Variants in GNAQ observed in about 807,000 individuals in gnomAD.
GNAQ encodes G protein subunit alpha q.
A neutral mutation model predicts 43.9 loss-of-function variants in GNAQ; 8 were observed. That is an observed-to-expected ratio of 0.18 (90% confidence interval 0.11 to 0.33). The LOEUF (loss-of-function observed/expected upper bound fraction) is 0.33. GNAQ is among the 10% of genes least tolerant of loss of function. The pLI is 1.00. For missense variants in GNAQ, 158 were observed against 450.8 expected (o/e 0.35, Z 5.88); for synonymous variants, 155 against 170.7 (o/e 0.91, Z 0.71).
intron 1 of GNAQ, among the ~76,000 whole-genome samples, chr9:77,994,564 A>G (rs1823545854): frequency 6.6e-6 from 1 of 152,114 alleles, no homozygotes; most frequent in South Asian, 2.1e-4. Context: ...TATTAATTTA[A>G]CTTTCATCAA....
At chr9:77,727,416 TTTC>T (rs1310622065) in intron 6 of GNAQ, among the ~76,000 whole-genome samples, 1 of 152,200 alleles carries the variant, frequency 6.6e-6, no homozygotes, top group East Asian at 1.9e-4. Flanking sequence ...TGTTCAAGTG[TTTC>T]TCAGAATGGG....
chr9:77,926,779 T>C (rs1218152486), intron 1 of GNAQ, among the ~76,000 whole-genome samples: 2 of 152,230 alleles, frequency 1.3e-5, no homozygotes, highest in Non-Finnish European at 1.5e-5. Context: ...TTCAGGCAAG[T>C]ACTCTGCCTT....
At chr9:77,741,401 G>C (rs1460929022) in intron 5 of GNAQ, among the ~76,000 whole-genome samples, 1 of 152,082 alleles carries the variant, frequency 6.6e-6, no homozygotes, top group South Asian at 2.1e-4. Context: ...GCAAAAGTAA[G>C]GTCTCCCCCG....
intron 2 of GNAQ, among the ~76,000 whole-genome samples, chr9:77,854,452 C>T (rs192230695): frequency 4.5e-4 from 69 of 152,300 alleles, no homozygotes; most frequent in Non-Finnish European, 7.9e-4. Context: ...AGACTAAACA[C>T]AGGTTAAGTG....
At chr9:77,739,335 A>G (rs1324729440) in intron 5 of GNAQ, among the ~76,000 whole-genome samples, 1 of 152,138 alleles carries the variant, frequency 6.6e-6, no homozygotes, top group African/African-American at 2.4e-5. Flanking sequence ...TCTTTTCGAG[A>G]ATTGTCTGCT....
chr9:77,808,891 A>G (rs1167954968), intron 3 of GNAQ, among the ~76,000 whole-genome samples: 3 of 152,038 alleles, frequency 2.0e-5, no homozygotes, highest in Admixed American at 1.3e-4. Context: ...AAACAAAACA[A>G]AACAAAAAAA....
chr9:77,982,057 G>A (rs189390308), intron 1 of GNAQ, among the ~76,000 whole-genome samples: 181 of 152,310 alleles, frequency 1.2e-3, no homozygotes, highest in Non-Finnish European at 1.1e-3. Flanking sequence ...GTCACATCAA[G>A]CCATCCCAGG....
At chr9:77,999,864 C>T (rs1823621995) in intron 1 of GNAQ, among the ~76,000 whole-genome samples, 1 of 152,150 alleles carries the variant, frequency 6.6e-6, no homozygotes, top group African/African-American at 2.4e-5. Flanking sequence ...CTTCCTATAA[C>T]AGTATTAGTT....
intron 1 of GNAQ, among the ~76,000 whole-genome samples, chr9:77,991,549 C>T (rs1224647700): frequency 1.3e-5 from 2 of 152,182 alleles, no homozygotes; most frequent in South Asian, 2.1e-4. Context: ...TTTCAGTATT[C>T]CCCTCCCTCC....
intron 2 of GNAQ, among the ~76,000 whole-genome samples, chr9:77,905,241 T>G (rs562784530): frequency 2.6e-5 from 4 of 152,246 alleles, no homozygotes; most frequent in Admixed American, 6.5e-5. Context: ...TTTTTACAAT[T>G]ATTAGTACTG....
chr9:77,738,443 A>C (rs1223197029), intron 5 of GNAQ, among the ~76,000 whole-genome samples: 1 of 152,236 alleles, frequency 6.6e-6, no homozygotes, highest in Non-Finnish European at 1.5e-5. Context: ...TCATAAAATT[A>C]ATATGTGGTC....
At chr9:77,816,612 CATAT>C (rs199854132) in intron 2 of GNAQ, among the ~76,000 whole-genome samples, 1 of 151,872 alleles carries the variant, frequency 6.6e-6, no homozygotes, top group Admixed American at 6.6e-5. Flanking sequence ...TATACACACA[CATAT>C]ATATATACAC....
intron 1 of GNAQ, among the ~76,000 whole-genome samples, chr9:77,967,954 T>C (rs1008525720): frequency 6.6e-6 from 1 of 152,138 alleles, no homozygotes; most frequent in Non-Finnish European, 1.5e-5. Flanking sequence ...CACTCCAGCC[T>C]GGGCAACAAG....
At chr9:77,968,837 C>A (rs975629512) in intron 1 of GNAQ, among the ~76,000 whole-genome samples, 2 of 152,198 alleles carry the variant, frequency 1.3e-5, no homozygotes, top group Non-Finnish European at 2.9e-5. Context: ...GGCTAAGTAA[C>A]CCCTAAGTAT....
In GNAQ at chr9:77,753,378, G is replaced by A. The variant is rs536122859; in HGVS notation, c.736-24711C>T. 2.2e-4 allele frequency among the ~76,000 whole-genome samples: 34 copies of A among 152,258 alleles called. No homozygotes were observed. The Middle Eastern group carries it at 0.01, about 46-fold the overall frequency. On this transcript the variant is annotated intron_variant, in intron 5 of 6. Transcript: ENST00000286548. Reference sequence around the variant, plus strand: ...GCAGAAGGCACATCTTAGCATTTACGTCTATCAGCATCTAACATGTTTTCT... The same window carrying A: ...GCAGAAGGCACATCTTAGCATTTACATCTATCAGCATCTAACATGTTTTCT...
chr9:77,756,801 A>G (rs1298501086), intron 5 of GNAQ, among the ~76,000 whole-genome samples: 1 of 152,198 alleles, frequency 6.6e-6, no homozygotes, highest in Non-Finnish European at 1.5e-5. Flanking sequence ...ATGTTTCTGA[A>G]CTTCAGGTTT....
chr9:77,817,434 G>A (rs1288606413), intron 2 of GNAQ, among the ~76,000 whole-genome samples: 1 of 149,922 alleles, frequency 6.7e-6, no homozygotes, highest in East Asian at 2.0e-4. Context: ...GGGAAGGAGG[G>A]AGGGAGGGAG....
chr9:77,775,406 TCTC>T (rs1430078614), intron 5 of GNAQ, among the ~76,000 whole-genome samples: 2 of 144,692 alleles, frequency 1.4e-5, no homozygotes, highest in Admixed American at 6.8e-5. Flanking sequence ...TCTCCTCATC[TCTC>T]TTTTTTTTTT....
chr9:77,941,553 G>C (rs1490123623), intron 1 of GNAQ, among the ~76,000 whole-genome samples: 1 of 151,906 alleles, frequency 6.6e-6, no homozygotes, highest in East Asian at 1.9e-4. Context: ...CTGGCCAATA[G>C]GTACCATATC....
Sources: gnomAD v4.1 joint callset for allele counts (sites outside exome capture counted in the v4.1 genomes callset) on GRCh38, gnomAD v4.1.1 for gene constraint, MANE v1.5 for transcripts, NCBI Gene and HGNC (gene_info 2026-07-23, HGNC 2026-07-21) for gene names.